NUP210L: variants seen among roughly 807,000 people sequenced by gnomAD.
NUP210L encodes the protein nuclear pore membrane glycoprotein 210-like.
NUP210L carries 74 observed loss-of-function variants against 208.5 expected under a neutral mutation model. The observed-to-expected ratio is 0.35, with a 90% CI of 0.29 to 0.43. The LOEUF is 0.43. Among genes scored for constraint, NUP210L ranks in the 20% least tolerant of loss-of-function variants. The pLI is 1.00. For synonymous variants in NUP210L, 780 were observed against 816.9 expected (o/e 0.95, Z 0.77); for missense variants, 1,843 against 2,289.4 (o/e 0.81, Z 3.98).
chr1:154,061,104 A>C, intron 18 of NUP210L, 58 bp from the exon 19 acceptor site: 1 of 1,215,698 alleles, frequency 8.2e-7, no homozygotes, highest in Non-Finnish European at 1.2e-6. Flanking sequence ...TTGGCCGCCC[A>C]CGGTGGCTTA....
Position 154,001,832 on chromosome 1 carries a change from G to A in NUP210L, c.5084C>T (p.Ala1695Val). The A allele has an allele frequency of 6.2e-7, 1 of 1,614,102 alleles. No individual in the cohort carries two copies. The highest frequency in any genetic ancestry group is 8.5e-7 in the Non-Finnish European group (1 of 1,180,000). Residue 1695 changes from alanine to valine, a missense_variant, in exon 36 of 40, where the codon GCC becomes GTC. Ala to Val is a moderately conservative substitution (Grantham distance 64). Transcript: ENST00000368559. Reference sequence around the variant, plus strand: ...CAATTCTGACTGGTTAATATAAAAGGCTGGGATGAAAGGAATGAGGATTCG... The same window carrying A: ...CAATTCTGACTGGTTAATATAAAAGACTGGGATGAAAGGAATGAGGATTCG...
chr1:154,117,598 T>C (rs1209914951), intron 12 of NUP210L, 127 bp downstream of exon 12: 4 of 731,670 alleles, frequency 5.5e-6, no homozygotes, highest in Non-Finnish European at 8.7e-6. Flanking sequence ...AAAAAAAGTA[T>C]TTCTTGACTG....
intron 12 of NUP210L, among the ~76,000 whole-genome samples, chr1:154,111,646 AG>A (rs1233674828): frequency 6.6e-6 from 1 of 151,598 alleles, no homozygotes; most frequent in Non-Finnish European, 1.5e-5. Context: ...CTGCAATAAA[AG>A]TCTCCCAGCA....
chr1:154,121,938 T>C (rs1458019309), intron 10 of NUP210L, among the ~76,000 whole-genome samples: 1 of 149,900 alleles, frequency 6.7e-6, no homozygotes, highest in East Asian at 1.9e-4. Flanking sequence ...AAGAGAATAA[T>C]ACAAAAGCAT....
intron 33 of NUP210L, 49 bp downstream of exon 33, chr1:154,018,884 G>T (rs765728895): frequency 1.3e-6 from 2 of 1,595,024 alleles, no homozygotes; most frequent in South Asian, 1.1e-5. Context: ...ATCCTCATAT[G>T]TGGCAATAGT....
intron 37 of NUP210L, among the ~76,000 whole-genome samples, chr1:154,000,472 C>T (rs766456945): frequency 6.6e-6 from 1 of 152,202 alleles, no homozygotes; most frequent in Non-Finnish European, 1.5e-5. Flanking sequence ...GGCATCACCA[C>T]TCTTGTGCTT....
rs1434093544 is a variant in NUP210L at position 154,140,666 on chromosome 1, C to CAAAAA, written c.567-719_567-715dup. ...TGAGTGACAGAGCAAGACTCCATCT[C>CAAAAA]AAAAAAAAAAACAGAAAAAGAAAAG... On this transcript the variant is annotated intron_variant, in intron 4 of 39. Transcript: ENST00000368559. Among the ~76,000 whole-genome samples the CAAAAA allele has an allele frequency of 1.3e-4, 13 of 102,414 alleles. 1 individual carries two copies. The highest frequency in any genetic ancestry group is 2.2e-4 in the Non-Finnish European group (10 of 45,242). 67.2% of individuals were successfully genotyped at this position (102,414 alleles called of 152,430 possible).
intron 28 of NUP210L, among the ~76,000 whole-genome samples, chr1:154,028,435 A>C (rs1374118534): frequency 2.0e-5 from 3 of 152,116 alleles, no homozygotes; most frequent in African/African-American, 7.2e-5. Context: ...AAAAATACAA[A>C]AAGTAGCCAG....
At chr1:154,026,080 A>T (rs557448538) in intron 29 of NUP210L, among the ~76,000 whole-genome samples, 1 of 151,734 alleles carries the variant, frequency 6.6e-6, no homozygotes, top group African/African-American at 2.4e-5. Context: ...AAAAAAAAAA[A>T]AATTTTTAGC....
chr1:154,015,971 A>AT (rs1651227376), intron 33 of NUP210L, among the ~76,000 whole-genome samples: 1 of 151,080 alleles, frequency 6.6e-6, no homozygotes, highest in Non-Finnish European at 1.5e-5. Flanking sequence ...AAAAAAATAG[A>AT]TGGCTAGGTG....
At chr1:154,132,110 G>GTA (rs1658292412) in intron 7 of NUP210L, among the ~76,000 whole-genome samples, 1 of 152,054 alleles carries the variant, frequency 6.6e-6, no homozygotes, top group Admixed American at 6.6e-5. Flanking sequence ...CCCATCCTTG[G>GTA]TTTTTCTATA....
At chr1:154,022,050 G>A (rs1355719946) in intron 32 of NUP210L, 76 bp downstream of exon 32, 27 of 1,301,054 alleles carry the variant, frequency 2.1e-5, no homozygotes, top group African/African-American at 2.9e-5. Context: ...ATTAATAACT[G>A]CTTTTTTTTT....
chr1:154,139,483 T>C (rs1266976987), intron 5 of NUP210L, among the ~76,000 whole-genome samples: 3 of 152,150 alleles, frequency 2.0e-5, no homozygotes, highest in Non-Finnish European at 1.5e-5. Context: ...GCTTCTACTA[T>C]AGATAAACAT....
chr1:154,091,257 G>A (rs187128178), intron 15 of NUP210L, among the ~76,000 whole-genome samples: 107 of 151,402 alleles, frequency 7.1e-4, no homozygotes, highest in South Asian at 1.5e-3. Context: ...AACCACACCC[G>A]GCTAATTTTT....
intron 2 of NUP210L, 90 bp downstream of exon 2, chr1:154,152,646 C>A: frequency 1.7e-6 from 2 of 1,163,930 alleles, no homozygotes; most frequent in Non-Finnish European, 1.2e-6. Context: ...TCATTTGAAG[C>A]CAACACCATT....
rs188038876 is a variant in NUP210L, at chr1:154,047,053, C to T, written c.3484-684G>A. ...AGCCTGGGCAACAAGAGCGAAACTC[C>T]GACTCAAAACAAACAAAAAAGTAGA... is the stretch of plus-strand genomic sequence containing the variant. On this transcript the variant is annotated intron_variant, in intron 25 of 39. Transcript: ENST00000368559. Among the ~76,000 whole-genome samples the T allele has an allele frequency of 3.8e-4, 58 of 152,016 alleles. 2 individuals are homozygous for T. The East Asian group carries it at 7.5e-3, about 20-fold the overall frequency.
chr1:154,006,654 C>T lies in NUP210L; in HGVS notation c.4930+3318G>A, dbSNP rs893768321. ...GACTACAGGCATGTGCCACCATGCC[C>T]GGCTAATTTTTGTATTTTTTAGTAG... is the stretch of plus-strand genomic sequence containing the variant. On this transcript the variant is annotated intron_variant, in intron 35 of 39. Coordinates refer to ENST00000368559, the Ensembl canonical transcript of NUP210L. Among the ~76,000 whole-genome samples the T allele has an allele frequency of 2.6e-4, 39 of 149,820 alleles. No homozygotes were observed. The Middle Eastern group carries it at 0.014, about 53-fold the overall frequency.
intron 25 of NUP210L, among the ~76,000 whole-genome samples, chr1:154,048,101 A>C (rs1341685794): frequency 1.3e-5 from 2 of 152,146 alleles, no homozygotes; most frequent in African/African-American, 4.8e-5. Context: ...AAGAGGTGAA[A>C]GAGCAGGTTT....
chr1:154,017,259 C>T lies in NUP210L; in HGVS notation c.4653+1674G>A, dbSNP rs1204694616. ...TTAAACCATTGCTCTCCAGCCTGGG[C>T]AATAGAGCAAGATTCTGTCTCCAAC... On this transcript the variant is annotated intron_variant, in intron 33 of 39. Coordinates refer to ENST00000368559, the Ensembl canonical transcript of NUP210L. Among the ~76,000 whole-genome samples, 31 of 145,898 alleles carry T rather than the reference C, an allele frequency of 2.1e-4. 1 individual carries two copies. The highest frequency in any genetic ancestry group is 7.8e-4 in the African/African-American group (31 of 39,582).
Sources: allele counts gnomAD v4.1 joint callset (sites outside exome capture counted in the v4.1 genomes callset), GRCh38; gene constraint gnomAD v4.1.1; transcripts MANE v1.5; gene names NCBI Gene and HGNC (gene_info 2026-07-23, HGNC 2026-07-21).